The following ARHGEF5 variants were observed in gnomAD, a reference collection of about 807,000 sequenced individuals.
The protein encoded by ARHGEF5 is Rho guanine nucleotide exchange factor 5, also known as Rho guanine nucleotide exchange factor (GEF) 5.
In ARHGEF5, 11 loss-of-function variants were observed where a neutral mutation model predicts 104.0. The ratio of observed to expected loss-of-function variants is 0.11; its 90% CI spans 0.07 to 0.18. The LOEUF is 0.18. Among genes scored for constraint, ARHGEF5 ranks in the 10% least tolerant of loss-of-function variants. The probability of loss-of-function intolerance (pLI) is 1.00; values close to 1 mark genes in which losing one functional copy is unlikely to be tolerated. For synonymous variants in ARHGEF5, 60 were observed against 512.2 expected (o/e 0.12, Z 11.92); for missense variants, 165 against 1,335.4 (o/e 0.12, Z 13.66).
intron 1 of ARHGEF5, among the ~76,000 whole-genome samples, chr7:144,359,683 AGG>A (rs199631247): frequency 1.2e-5 from 1 of 84,884 alleles, no homozygotes; most frequent in Non-Finnish European, 2.4e-5. Context: ...CCAGTGGGAG[AGG>A]GGGGGGATGG....
rs2053657442 is a variant in ARHGEF5, at chr7:144,363,252, C to CAGAATGAAGGCTCTGA, written c.585_600dup (p.Ser201GlufsTer2). 2 of 1,592,048 alleles carry CAGAATGAAGGCTCTGA rather than the reference C, an allele frequency of 1.3e-6. No individual in the cohort carries two copies. Among genetic ancestry groups the CAGAATGAAGGCTCTGA allele is most frequent in the African/African-American group, 2.7e-5 (2 of 73,608 alleles). On this transcript the variant is annotated frameshift_variant, in exon 2 of 15. Coordinates refer to ENST00000056217, the MANE Select transcript of ARHGEF5 (RefSeq NM_005435.4). LOFTEE classifies it high-confidence loss of function. Reference sequence around the variant, plus strand: ...CGAAGAGCATCCTGCAGAGACCAACCAGAATGAAGGCTCTGAAAGTGGGAC... The same window carrying CAGAATGAAGGCTCTGA: ...CGAAGAGCATCCTGCAGAGACCAACCAGAATGAAGGCTCTGAAGAATGAAGGCTCTGAAAGTGGGAC...
rs755698995 is a variant in ARHGEF5, at chr7:144,380,100, C to G, written c.*44C>G. 1.9e-6 allele frequency: 3 copies of G among 1,611,492 alleles called. No individual in the cohort carries two copies. The African/African-American group carries it at 4.0e-5, about 22-fold the overall frequency. ...TTCGTGAGCTGAAGAACAAGCTGCT[C>G]ATGGCAAGGGCTGGCCCCAGAACCC... is the stretch of plus-strand genomic sequence containing the variant. On this transcript the variant is annotated 3_prime_UTR_variant, in exon 15 of 15. Transcript: ENST00000056217.
intron 1 of ARHGEF5, among the ~76,000 whole-genome samples, chr7:144,357,663 G>T (rs1466921402): frequency 1.3e-5 from 2 of 151,488 alleles, no homozygotes; most frequent in African/African-American, 4.8e-5. Context: ...ATTGGGGAGG[G>T]GTTGTATCCT....
intron 1 of ARHGEF5, among the ~76,000 whole-genome samples, chr7:144,361,005 G>A (rs1345323910): frequency 6.9e-6 from 1 of 145,376 alleles, no homozygotes; most frequent in Non-Finnish European, 1.5e-5. Context: ...CGAGGCGGGT[G>A]GATAACGAGG....
chr7:144,358,798 TG>T (rs2053615589), intron 1 of ARHGEF5, among the ~76,000 whole-genome samples: 14 of 131,858 alleles, frequency 1.1e-4, no homozygotes, highest in Admixed American at 5.6e-4. Context: ...TGTGTGTGTG[TG>T]TGTACACACA....
intron 2 of ARHGEF5, 98 bp from the exon 3 acceptor site, chr7:144,366,255 CCA>C: frequency 7.1e-7 from 1 of 1,416,570 alleles, no homozygotes; most frequent in Non-Finnish European, 9.9e-7. Flanking sequence ...CCAATAAAGC[CCA>C]TTTTCCCTTC....
chr7:144,358,758 AGTGTGTGTGTGTGTGTGTGT>A (rs71222348), intron 1 of ARHGEF5, among the ~76,000 whole-genome samples: 1 of 90,822 alleles, frequency 1.1e-5, no homozygotes, highest in Non-Finnish European at 2.3e-5. Context: ...AGGATGGCTC[AGTGTGTGTGTGTGTGTGTGT>A]GTGTGTGTGT....
At chr7:144,380,632 AT>A (rs1379223714), downstream of ARHGEF5, 1 of 152,330 alleles carries the variant, frequency 6.6e-6, no homozygotes, top group Non-Finnish European at 1.5e-5. Context: ...TTCTCCGAGT[AT>A]TTTCTTCTCA....
intron 5 of ARHGEF5, among the ~76,000 whole-genome samples, chr7:144,370,712 C>G (rs1323999144): frequency 1.3e-5 from 2 of 148,336 alleles, no homozygotes; most frequent in Admixed American, 1.4e-4. Flanking sequence ...GTGATGCACC[C>G]ACCTCAGCCT....
chr7:144,357,424 G>A (rs1395774436), intron 1 of ARHGEF5, among the ~76,000 whole-genome samples: 7 of 136,692 alleles, frequency 5.1e-5, no homozygotes, highest in South Asian at 2.6e-4. Flanking sequence ...AGTAGTCAGT[G>A]GTCCAGAAAG....
intron 14 of ARHGEF5, among the ~76,000 whole-genome samples, chr7:144,379,660 A>C (rs564770562): frequency 6.6e-6 from 1 of 152,284 alleles, no homozygotes; most frequent in Admixed American, 6.5e-5. Context: ...TAGAACATCA[A>C]CATAAATGTT....
intron 5 of ARHGEF5, among the ~76,000 whole-genome samples, chr7:144,370,667 C>T (rs1176636103): frequency 2.5e-4 from 37 of 148,894 alleles, no homozygotes; most frequent in East Asian, 1.4e-3. Flanking sequence ...GGTCTCTCTA[C>T]GTCGCCCAGC....
chr7:144,360,822 C>T lies in ARHGEF5; in HGVS notation c.-12-1836C>T, dbSNP rs947027198. Among the ~76,000 whole-genome samples the T allele has an allele frequency of 3.6e-5, 5 of 140,772 alleles. 1 individual carries two copies. The highest frequency in any genetic ancestry group is 7.1e-5 in the Admixed American group (1 of 14,028). The allele number at this position is 140,772 out of a possible 152,430, so 92.4% of individuals were successfully genotyped here. The stretch of plus-strand genomic sequence containing the variant: ...ATCTATTGGTTGCAATAGAGGGTAA[C>T]TCAAAATACACACATCATTATATAA... On this transcript the variant is annotated intron_variant, in intron 1 of 14. Coordinates refer to ENST00000056217, the MANE Select transcript of ARHGEF5 (RefSeq NM_005435.4).
intron 1 of ARHGEF5, among the ~76,000 whole-genome samples, chr7:144,361,256 A>C (rs1368282538): frequency 1.8e-5 from 2 of 112,268 alleles, no homozygotes; most frequent in Non-Finnish European, 4.0e-5. Flanking sequence ...AGAAAAAAAA[A>C]AAAAGACTGG....
intron 10 of ARHGEF5, among the ~76,000 whole-genome samples, chr7:144,373,935 A>G (rs1454735870): frequency 4.7e-5 from 6 of 128,174 alleles, no homozygotes; most frequent in Non-Finnish European, 5.1e-5. Context: ...TCCACCTCCC[A>G]GGTTCAAGCG....
At chr7:144,378,974 G>A in intron 14 of ARHGEF5, 108 bp downstream of exon 14, 2 of 1,102,546 alleles carry the variant, frequency 1.8e-6, no homozygotes, top group Admixed American at 2.0e-5. Flanking sequence ...GGACTGGGTG[G>A]CTTATGGCAA....
At position 144,372,942 on chromosome 7, in the gene ARHGEF5, C is replaced by T. The variant is rs573492091; in HGVS notation, c.4050+185C>T. On this transcript the variant is annotated intron_variant, in intron 9 of 14. Transcript: ENST00000056217. Reference sequence around the variant, plus strand: ...ACGGCCACCTCTCCCACGCCGAGCACACTCCACATCAAGGGACTGTGCCCT... The same window carrying T: ...ACGGCCACCTCTCCCACGCCGAGCATACTCCACATCAAGGGACTGTGCCCT... Among the ~76,000 whole-genome samples, 174 of 136,092 alleles carry T rather than the reference C, an allele frequency of 1.3e-3. 1 individual carries two copies. Among genetic ancestry groups the T allele is most frequent in the African/African-American group, 4.7e-3 (169 of 35,850 alleles). 89.3% of individuals were successfully genotyped at this position (136,092 alleles called of 152,430 possible).
chr7:144,378,688 C>A, intron 13 of ARHGEF5, 74 bp from the exon 14 acceptor site: 1 of 1,294,552 alleles, frequency 7.7e-7, no homozygotes, highest in Non-Finnish European at 1.1e-6. Flanking sequence ...CCCACGCCAC[C>A]CCCCTCCAAG....
chr7:144,371,360 T>TAACAA, intron 6 of ARHGEF5, 39 bp downstream of exon 6: 1 of 1,422,894 alleles, frequency 7.0e-7, no homozygotes, highest in Non-Finnish European at 9.8e-7. Flanking sequence ...TCACTCAGCC[T>TAACAA]CACTGTTGTT....
Sources: allele counts gnomAD v4.1 joint callset (sites outside exome capture counted in the v4.1 genomes callset), GRCh38; gene constraint gnomAD v4.1.1; transcripts MANE v1.5; gene names NCBI Gene and HGNC (gene_info 2026-07-23, HGNC 2026-07-21).